DIP2B: variants seen among roughly 807,000 people sequenced by gnomAD.
The protein encoded by DIP2B is disco-interacting protein 2 homolog B.
DIP2B carries 76 observed loss-of-function variants against 198.0 expected under a neutral mutation model. The observed-to-expected ratio is 0.38, with a 90% CI of 0.32 to 0.46. DIP2B has a LOEUF of 0.46. Ranked by LOEUF, DIP2B falls within the 20% of genes least tolerant of loss-of-function variation. The probability of loss-of-function intolerance (pLI) is 0.99; values close to 1 mark genes in which losing one functional copy is unlikely to be tolerated. For synonymous variants in DIP2B, 701 were observed against 739.1 expected (o/e 0.95, Z 0.84); for missense variants, 1,559 against 1,978.4 (o/e 0.79, Z 4.02).
chr12:50,611,850 C>T (rs1005867919), intron 1 of DIP2B, among the ~76,000 whole-genome samples: 1 of 152,088 alleles, frequency 6.6e-6, no homozygotes, highest in African/African-American at 2.4e-5. Context: ...CTTCTATATT[C>T]TTGATCACTT....
chr12:50,541,741 C>T (rs952527316), intron 1 of DIP2B, among the ~76,000 whole-genome samples: 3 of 152,202 alleles, frequency 2.0e-5, no homozygotes, highest in African/African-American at 7.2e-5. Context: ...GTGGCTCATG[C>T]CTGTAATCCC....
chr12:50,695,438 T>A lies in DIP2B; in HGVS notation c.1813+78T>A, dbSNP rs970419630. The A allele has an allele frequency of 4.2e-6, 6 of 1,413,792 alleles. No homozygotes were observed. In the Admixed American group the frequency reaches 1.0e-4, roughly 24 times the overall value. 87.6% of individuals were successfully genotyped at this position (1,413,792 alleles called of 1,614,324 possible). On this transcript the variant is annotated intron_variant, in intron 15 of 37. Transcript: ENST00000301180. ...TTCAGGGATTTCAGAGATTTTCAAA[T>A]TGCCCTTGTATGCCCCTGTCCCTTA...
At chr12:50,554,810 C>T (rs886873580) in intron 1 of DIP2B, among the ~76,000 whole-genome samples, 3 of 151,152 alleles carry the variant, frequency 2.0e-5, no homozygotes, top group Non-Finnish European at 4.4e-5. Flanking sequence ...GCTGTCTCAC[C>T]AGGCTGAAAT....
At chr12:50,700,159 C>T (rs980006716) in intron 19 of DIP2B, among the ~76,000 whole-genome samples, 2 of 152,154 alleles carry the variant, frequency 1.3e-5, no homozygotes, top group Non-Finnish European at 2.9e-5. Flanking sequence ...AAACAAAACT[C>T]CTTGTGGAGC....
intron 7 of DIP2B, among the ~76,000 whole-genome samples, chr12:50,676,575 A>G (rs1159217264): frequency 6.6e-6 from 1 of 152,228 alleles, no homozygotes; most frequent in African/African-American, 2.4e-5. Context: ...ACGGTTTTTA[A>G]CAGGAATCTT....
chr12:50,692,496 T>C (rs543144643), intron 13 of DIP2B, among the ~76,000 whole-genome samples: 6 of 152,294 alleles, frequency 3.9e-5, no homozygotes, highest in Admixed American at 3.9e-4. Context: ...CTACCCGTTT[T>C]GAGGAGACCC....
chr12:50,506,207 C>T (rs1957967283), intron 1 of DIP2B, among the ~76,000 whole-genome samples: 2 of 152,108 alleles, frequency 1.3e-5, no homozygotes, highest in African/African-American at 4.8e-5. Context: ...ACAAAAGCAG[C>T]ATTTTCTCCA....
intron 1 of DIP2B, among the ~76,000 whole-genome samples, chr12:50,609,988 G>A (rs1378412470): frequency 2.0e-5 from 3 of 152,162 alleles, no homozygotes; most frequent in Non-Finnish European, 4.4e-5. Context: ...AATTCACAAT[G>A]CCAAAGTATT....
chr12:50,622,275 G>C (rs1937829137), intron 1 of DIP2B, among the ~76,000 whole-genome samples: 1 of 152,174 alleles, frequency 6.6e-6, no homozygotes, highest in Admixed American at 6.5e-5. Flanking sequence ...ATTCCCTGAA[G>C]TCTTGAGTTG....
intron 1 of DIP2B, among the ~76,000 whole-genome samples, chr12:50,524,640 A>G (rs1022082709): frequency 2.0e-5 from 3 of 152,166 alleles, no homozygotes; most frequent in African/African-American, 7.2e-5. Flanking sequence ...GGTGCAGGTG[A>G]TACAGCAGTG....
chr12:50,646,185 G>A (rs1938346895), intron 3 of DIP2B, among the ~76,000 whole-genome samples: 1 of 151,966 alleles, frequency 6.6e-6, no homozygotes, highest in Non-Finnish European at 1.5e-5. Flanking sequence ...GTGCAGTGAT[G>A]TGATCTCAGC....
chr12:50,505,602 A>T (rs554048042), intron 1 of DIP2B, among the ~76,000 whole-genome samples: 2 of 152,078 alleles, frequency 1.3e-5, no homozygotes, highest in African/African-American at 4.8e-5. Flanking sequence ...GGTGGCTGAC[A>T]GCTTTCTCCT....
intron 3 of DIP2B, among the ~76,000 whole-genome samples, chr12:50,655,520 A>C (rs948578199): frequency 1.3e-5 from 2 of 152,230 alleles, no homozygotes; most frequent in Non-Finnish European, 2.9e-5. Flanking sequence ...AAATGAACCT[A>C]ACTATGTGAA....
intron 3 of DIP2B, among the ~76,000 whole-genome samples, chr12:50,651,915 C>T (rs746995623): frequency 9.9e-5 from 15 of 152,090 alleles, no homozygotes; most frequent in Non-Finnish European, 1.9e-4. Flanking sequence ...TGCGGTGGCT[C>T]ACGCCTGTAA....
intron 2 of DIP2B, among the ~76,000 whole-genome samples, chr12:50,627,450 C>T (rs921930889): frequency 2.0e-5 from 3 of 152,148 alleles, no homozygotes; most frequent in African/African-American, 7.2e-5. Flanking sequence ...CCTCCTGCCT[C>T]AGCCTCCTGA....
chr12:50,696,099 G>GAA, intron 16 of DIP2B, 132 bp downstream of exon 16: 1 of 1,363,534 alleles, frequency 7.3e-7, no homozygotes, highest in Non-Finnish European at 1.0e-6. Context: ...AGTGGTTTTG[G>GAA]TATATTCACG....
At chr12:50,692,070 AATAT>A (rs904811313) in intron 13 of DIP2B, among the ~76,000 whole-genome samples, 1 of 151,000 alleles carries the variant, frequency 6.6e-6, no homozygotes, top group Non-Finnish European at 1.5e-5. Flanking sequence ...GTCTCAAAAA[AATAT>A]ATATATATAT....
chr12:50,569,225 A>G (rs1056673811), intron 1 of DIP2B, among the ~76,000 whole-genome samples: 3 of 152,154 alleles, frequency 2.0e-5, no homozygotes, highest in African/African-American at 7.2e-5. Context: ...TTGTGGAAGC[A>G]GAGAACTATC....
At chr12:50,722,411 G>A (rs555345941) in intron 26 of DIP2B, among the ~76,000 whole-genome samples, 5 of 151,954 alleles carry the variant, frequency 3.3e-5, no homozygotes, top group Admixed American at 6.6e-5. Context: ...ACGCCACCAC[G>A]CCCAGCTAAT....
Sources: gnomAD v4.1 joint callset for allele counts (sites outside exome capture counted in the v4.1 genomes callset) on GRCh38, gnomAD v4.1.1 for gene constraint, MANE v1.5 for transcripts, NCBI Gene and HGNC (gene_info 2026-07-23, HGNC 2026-07-21) for gene names.